Variants in SPDYE10 observed in about 807,000 individuals in gnomAD.
The protein encoded by SPDYE10 is speedy/RINGO cell cycle regulator family member E10, also known as speedy protein E10.
At chr7:73,138,388 T>A in the SPDYE10 span, among the ~76,000 whole-genome samples, 1 of 151,886 alleles carries the variant, frequency 6.6e-6, no homozygotes, top group South Asian at 2.1e-4. Context: ...CTTTTTTTTT[T>A]TTTTGAGACA....
chr7:73,127,832 G>T, the SPDYE10 span, among the ~76,000 whole-genome samples: 1 of 126,750 alleles, frequency 7.9e-6, no homozygotes, highest in Non-Finnish European at 1.7e-5. Flanking sequence ...CCCAATTATT[G>T]ATGGGTGTGT....
the SPDYE10 span, among the ~76,000 whole-genome samples, chr7:73,126,506 CAAAAA>C: frequency 6.3e-5 from 3 of 47,910 alleles, no homozygotes; most frequent in Admixed American, 5.0e-4. Flanking sequence ...GACTCCATCT[CAAAAA>C]AAAAAAAAAA....
the SPDYE10 span, among the ~76,000 whole-genome samples, chr7:73,142,976 GAGGGAGGA>G: frequency 6.9e-4 from 92 of 133,438 alleles, no homozygotes; most frequent in Middle Eastern, 0.011. Flanking sequence ...GAGAGGGAGG[GAGGGAGGA>G]AGGAAGGAAG....
chr7:73,114,982 C>T, the SPDYE10 span, among the ~76,000 whole-genome samples: 1,115 of 151,748 alleles, frequency 7.3e-3, no homozygotes, highest in African/African-American at 0.025. Context: ...CTGCAACCTC[C>T]GCCTCCCGGG....
the SPDYE10 span, among the ~76,000 whole-genome samples, chr7:73,111,446 G>A: frequency 7.4e-6 from 1 of 135,938 alleles, no homozygotes; most frequent in Middle Eastern, 4.0e-3. Context: ...AGGCTGGAGT[G>A]TAGTGGTGCA....
the SPDYE10 span, among the ~76,000 whole-genome samples, chr7:73,114,891 C>T: frequency 4.9e-5 from 7 of 142,498 alleles, no homozygotes; most frequent in Admixed American, 4.3e-4. Context: ...AGCTCCACAG[C>T]GGGTCATCTG....
the SPDYE10 span, among the ~76,000 whole-genome samples, chr7:73,104,049 G>A: frequency 7.0e-6 from 1 of 143,128 alleles, no homozygotes; most frequent in Non-Finnish European, 1.5e-5. Flanking sequence ...TCTTTATTAT[G>A]TTTCCCCAAG....
At chr7:73,151,904 G>A in the SPDYE10 span, among the ~76,000 whole-genome samples, 1 of 145,302 alleles carries the variant, frequency 6.9e-6, no homozygotes, top group Non-Finnish European at 1.5e-5. Context: ...TCTGCAGATT[G>A]AAAAATGCTA....
chr7:73,117,932 CTG>C, the SPDYE10 span, among the ~76,000 whole-genome samples: 1 of 138,168 alleles, frequency 7.2e-6, no homozygotes, highest in Non-Finnish European at 1.6e-5. Flanking sequence ...GGTGGATCAC[CTG>C]AGGTCAGGAG....
At chr7:73,154,307 AC>A in the SPDYE10 span, among the ~76,000 whole-genome samples, 6 of 136,782 alleles carry the variant, frequency 4.4e-5, no homozygotes, top group Non-Finnish European at 7.8e-5. Context: ...TTCCGCTGCA[AC>A]AAAGCCAAAC....
At chr7:73,113,699 G>T in the SPDYE10 span, among the ~76,000 whole-genome samples, 1 of 152,022 alleles carries the variant, frequency 6.6e-6, no homozygotes, top group Non-Finnish European at 1.5e-5. Flanking sequence ...TTTAAGAGCA[G>T]CCTGGCCAAC....
At chr7:73,138,089 A>G in the SPDYE10 span, among the ~76,000 whole-genome samples, 3 of 152,350 alleles carry the variant, frequency 2.0e-5, no homozygotes, top group East Asian at 5.8e-4. Flanking sequence ...CTAGAAAAGA[A>G]GATTCTCATG....
At chr7:73,134,561 G>GAAAGAA in the SPDYE10 span, among the ~76,000 whole-genome samples, 4 of 152,064 alleles carry the variant, frequency 2.6e-5, no homozygotes, top group Non-Finnish European at 5.9e-5. Flanking sequence ...AAGAAAGAAA[G>GAAAGAA]AAAGAAACCG....
the SPDYE10 span, among the ~76,000 whole-genome samples, chr7:73,144,601 AAAT>A: frequency 7.2e-6 from 1 of 139,582 alleles, no homozygotes; most frequent in Non-Finnish European, 1.5e-5. Context: ...CAAAAAATAC[AAAT>A]ATTAGCCAGG....
At chr7:73,137,643 G>GA in the SPDYE10 span, among the ~76,000 whole-genome samples, 7 of 85,252 alleles carry the variant, frequency 8.2e-5, no homozygotes, top group South Asian at 1.4e-3. Context: ...AGAAAGAAAG[G>GA]AGAAAGAAAG....
chr7:73,115,334 C>A, the SPDYE10 span, among the ~76,000 whole-genome samples: 4 of 152,234 alleles, frequency 2.6e-5, no homozygotes, highest in South Asian at 2.1e-4. Flanking sequence ...TCTTTCCCAA[C>A]AAAACCTGTA....
At chr7:73,120,787 CAAA>C in the SPDYE10 span, among the ~76,000 whole-genome samples, 8 of 147,494 alleles carry the variant, frequency 5.4e-5, no homozygotes, top group Admixed American at 4.0e-4. Flanking sequence ...GATTCTGTCT[CAAA>C]AAAAAAAAAA....
At chr7:73,125,335 A>G in the SPDYE10 span, among the ~76,000 whole-genome samples, 2 of 148,476 alleles carry the variant, frequency 1.3e-5, no homozygotes. Flanking sequence ...GAATCTGCCA[A>G]TGTATCCAGT....
chr7:73,125,264 C>A, the SPDYE10 span, among the ~76,000 whole-genome samples: 1 of 150,196 alleles, frequency 6.7e-6, no homozygotes, highest in Non-Finnish European at 1.5e-5. Context: ...CACTTCCAGG[C>A]TGGATTCCCC....
Sources: gnomAD v4.1 joint callset for allele counts (sites outside exome capture counted in the v4.1 genomes callset) on GRCh38, gnomAD v4.1.1 for gene constraint, MANE v1.5 for transcripts, NCBI Gene and HGNC (gene_info 2026-07-23, HGNC 2026-07-21) for gene names.